Variants in STARD8 observed in about 807,000 individuals in gnomAD.
The protein encoded by STARD8 is StAR related lipid transfer domain containing 8.
Under a neutral mutation model 69.4 loss-of-function variants are expected in STARD8, and 25 were observed. The ratio of observed to expected loss-of-function variants is 0.36; its 90% CI spans 0.26 to 0.50. The LOEUF is 0.50. Ranked by LOEUF, STARD8 falls within the 20% of genes least tolerant of loss-of-function variation. STARD8 has a pLI of 0.96. For missense variants in STARD8, 921 were observed against 932.5 expected, an observed-to-expected ratio of 0.99 and a Z score of 0.16; for synonymous variants, 389 against 374.6, an observed-to-expected ratio of 1.04 and a Z score of -0.45.
In STARD8 at chrX:68,718,581, G is replaced by A. The variant is rs769409564; in HGVS notation, c.1667G>A (p.Arg556His). Reference sequence around the variant, plus strand: ...GCTGGACTCCAGGCATCAATGCCCCGTGAACGGCGCGATTCAGGTGTTGGG... The same window carrying A: ...GCTGGACTCCAGGCATCAATGCCCCATGAACGGCGCGATTCAGGTGTTGGG... ...PLAGLQASMP[R>H]ERRDSGVGAS... The change falls in exon 6 of 15, where the codon CGT becomes CAT. Residue 556 changes from arginine to histidine, a missense_variant. Physicochemically the swap from Arg to His is conservative, Grantham distance 29. Coordinates refer to ENST00000374599, the MANE Select transcript of STARD8 (RefSeq NM_001142503.3). 20 of 1,208,541 alleles carry A rather than the reference G, an allele frequency of 1.7e-5. No homozygotes were observed. Among genetic ancestry groups the A allele is most frequent in the Middle Eastern group, 4.6e-4 (2 of 4,362 alleles).
chrX:68,704,799 A>G (rs1175624169), intron 2 of STARD8, among the ~76,000 whole-genome samples: 1 of 111,487 alleles, frequency 9.0e-6, no homozygotes, highest in Non-Finnish European at 1.9e-5. Flanking sequence ...GCCACTACGC[A>G]TCACACACAC....
chrX:68,716,397 C>T lies in STARD8; in HGVS notation c.263C>T (p.Ser88Leu), dbSNP rs371260205. 37 of 1,208,471 alleles carry T rather than the reference C, an allele frequency of 3.1e-5. No individual in the cohort carries two copies. The highest frequency in any genetic ancestry group is 4.6e-4 in the Middle Eastern group (2 of 4,367). The change falls in exon 5 of 15, where the codon TCG (serine) becomes TTG (leucine). Residue 88 changes from serine (S) to leucine (L), a missense_variant. Coordinates refer to ENST00000374599, the MANE Select transcript of STARD8 (RefSeq NM_001142503.3). ...CTGATGACCTTGAATAATTGTGCCT[C>T]GATGAAACTGGAGGTTCATTTTCAA... ...RRLMTLNNCA[S>L]MKLEVHFQSK...
At chrX:68,673,696 A>G (rs932322675) in intron 2 of STARD8, among the ~76,000 whole-genome samples, 1 of 112,264 alleles carries the variant, frequency 8.9e-6, no homozygotes, top group Non-Finnish European at 1.9e-5. Flanking sequence ...ATAGCCCTGG[A>G]AGGAAACCAG....
At chrX:68,659,364 T>A (rs755246847) in intron 1 of STARD8, among the ~76,000 whole-genome samples, 2 of 111,993 alleles carry the variant, frequency 1.8e-5, no homozygotes, top group African/African-American at 3.2e-5. Flanking sequence ...ATTGGGGACA[T>A]CCTGTGGAAG....
chrX:68,721,954 A>C (rs1043985734), intron 10 of STARD8, 93 bp from the exon 11 acceptor site: 1 of 919,215 alleles, frequency 1.1e-6, no homozygotes, highest in Non-Finnish European at 1.5e-6. Context: ...GGTTTGGCAA[A>C]GTGGCTTCCT....
rs60571538 is a variant in STARD8 at position 68,711,222 on chromosome X, GCACACACA to G, written c.80-1672_80-1665del. ...TAACATAAAACATACATGTATGCAT[GCACACACA>G]CACACACACACACACACACGGAGAG... On this transcript the variant is annotated intron_variant, in intron 2 of 14. Transcript: ENST00000374599. Among the ~76,000 whole-genome samples, 5 of 101,826 alleles carry G rather than the reference GCACACACA, an allele frequency of 4.9e-5. No homozygotes were observed. In the East Asian group the frequency reaches 1.2e-3, roughly 25 times the overall value. The allele number at this position is 101,826 out of a possible 115,157, so 88.4% of individuals were successfully genotyped here.
intron 1 of STARD8, among the ~76,000 whole-genome samples, chrX:68,655,092 C>T (rs916662731): frequency 3.6e-5 from 4 of 111,615 alleles, no homozygotes; most frequent in Non-Finnish European, 7.5e-5. Flanking sequence ...AGAGACTCCT[C>T]GATGCCATCA....
At chrX:68,699,861 T>A (rs2079952694) in intron 2 of STARD8, among the ~76,000 whole-genome samples, 1 of 112,065 alleles carries the variant, frequency 8.9e-6, no homozygotes, top group Non-Finnish European at 1.9e-5. Context: ...CTGATTTGTT[T>A]ATGGTTCAGG....
At chrX:68,681,028 G>A (rs2079797703) in intron 2 of STARD8, among the ~76,000 whole-genome samples, 1 of 111,389 alleles carries the variant, frequency 9.0e-6, no homozygotes, top group Admixed American at 9.6e-5. Flanking sequence ...ATCTAAGGCT[G>A]TTTTGAGAGT....
intron 2 of STARD8, among the ~76,000 whole-genome samples, chrX:68,707,984 G>GCT (rs2080021545): frequency 8.9e-6 from 1 of 111,777 alleles, no homozygotes; most frequent in East Asian, 2.8e-4. Flanking sequence ...CTTCCTCCTG[G>GCT]CTCTCTTCTC....
chrX:68,655,234 G>A, intron 1 of STARD8, among the ~76,000 whole-genome samples: 1 of 112,167 alleles, frequency 8.9e-6, no homozygotes, highest in Non-Finnish European at 1.9e-5. Context: ...GTGTGTGTGT[G>A]TGTCTGTCTG....
chrX:68,709,251 G>A (rs1018552175), intron 2 of STARD8, among the ~76,000 whole-genome samples: 2 of 112,275 alleles, frequency 1.8e-5, no homozygotes, highest in Non-Finnish European at 3.8e-5. Context: ...CTTTGTCTTT[G>A]GAGCAATTGC....
In STARD8 at chrX:68,691,292, A is replaced by G. The variant is rs190201040; in HGVS notation, c.80-21622A>G. Among the ~76,000 whole-genome samples the G allele has an allele frequency of 6.0e-3, 667 of 111,896 alleles. 8 individuals carry two copies. The highest frequency in any genetic ancestry group is 0.021 in the African/African-American group (646 of 30,777). The stretch of plus-strand genomic sequence containing the variant: ...AGGCAAGAGTGAGGGCTTGAGGAAA[A>G]GGGGAAGTCAAGAACCTAAAGCCTC... On this transcript the variant is annotated intron_variant, in intron 2 of 14. Transcript: ENST00000374599.
rs181907895 is a variant in STARD8 at position 68,652,064 on chromosome X, G to A, written c.45+4137G>A. ...GTAGAGACAGGGTTTCACCGTGTTG[G>A]CCAGGCTGGTCTCGAGCTCCTAACC... On this transcript the variant is annotated intron_variant, in intron 1 of 14. Transcript: ENST00000374599. Among the ~76,000 whole-genome samples, 17 of 106,808 alleles carry A rather than the reference G, an allele frequency of 1.6e-4. No homozygotes were observed. The Admixed American group carries it at 1.6e-3, about 10-fold the overall frequency. 92.7% of individuals were successfully genotyped at this position (106,808 alleles called of 115,157 possible).
chrX:68,711,409 T>C (rs999217965), intron 2 of STARD8, among the ~76,000 whole-genome samples: 1 of 111,506 alleles, frequency 9.0e-6, no homozygotes, highest in Non-Finnish European at 1.9e-5. Context: ...TACAGCTACA[T>C]GTAGAGACAG....
At chrX:68,652,762 CCA>C (rs2147865961) in intron 1 of STARD8, among the ~76,000 whole-genome samples, 1 of 71,063 alleles carries the variant, frequency 1.4e-5, no homozygotes, top group East Asian at 5.0e-4. Context: ...CCACACTCCC[CCA>C]CACACACACC....
intron 7 of STARD8, 107 bp from the exon 8 acceptor site, chrX:68,720,157 A>C: frequency 1.1e-6 from 1 of 900,790 alleles, no homozygotes; most frequent in Non-Finnish European, 1.5e-6. Context: ...ACTCTGGGGC[A>C]GTGGTGTGTG....
At chrX:68,672,713 G>GC (rs201592729) in intron 2 of STARD8, among the ~76,000 whole-genome samples, 2,388 of 99,852 alleles carry the variant, frequency 0.024, 47 homozygotes, top group African/African-American at 0.081. Context: ...TTCAAACAGC[G>GC]CCCCACCCCC....
chrX:68,653,575 C>A (rs1271291190), intron 1 of STARD8, among the ~76,000 whole-genome samples: 1 of 94,191 alleles, frequency 1.1e-5, no homozygotes, highest in Admixed American at 1.1e-4. Context: ...ACACACACAC[C>A]ACACACACAC....
Sources: gnomAD v4.1 joint callset for allele counts (sites outside exome capture counted in the v4.1 genomes callset) on GRCh38, gnomAD v4.1.1 for gene constraint, MANE v1.5 for transcripts, NCBI Gene and HGNC (gene_info 2026-07-23, HGNC 2026-07-21) for gene names.